Variants in PCDH1 observed in about 807,000 individuals in gnomAD.
PCDH1 encodes protocadherin 1.
Under a neutral mutation model 74.6 loss-of-function variants are expected in PCDH1, and 23 were observed. That is an observed-to-expected ratio of 0.31 (90% CI 0.22 to 0.44). The LOEUF is 0.44. Among genes scored for constraint, PCDH1 ranks in the 20% least tolerant of loss-of-function variants. The pLI is 1.00. For missense variants in PCDH1, 1,214 were observed against 1,641.4 expected (o/e 0.74, Z 4.50); for synonymous variants, 647 against 686.1 (o/e 0.94, Z 0.89).
chr5:141,862,729 G>A (rs1474414686), intron 3 of PCDH1: 1 of 997,924 alleles, frequency 1.0e-6, no homozygotes, highest in African/African-American at 1.7e-5. Flanking sequence ...TGAGGAAGAG[G>A]TTAATGCACA....
rs1360809107 is a variant in PCDH1, at chr5:141,868,774, A to G, written c.698T>C (p.Ile233Thr). The G allele has an allele frequency of 6.2e-6, 10 of 1,614,164 alleles. No homozygotes were observed. The highest frequency in any genetic ancestry group is 6.8e-6 in the Non-Finnish European group (8 of 1,180,030). The change falls in exon 2 of 5, where the codon ATT becomes ACT. Residue 233 changes from isoleucine to threonine, a missense_variant. Coordinates refer to ENST00000287008, the MANE Select transcript of PCDH1 (RefSeq NM_032420.5). This position sits in a 1 kb window ranked among gnomAD's most constrained non-coding sequence, Gnocchi z 4.8. ...EDQEEKQPQL[I>T]VMGNLDRERW... The stretch of plus-strand genomic sequence containing the variant: ...CTCACGGTCCAGGTTGCCCATCACA[A>G]TGAGCTGTGGTTGCTTCTCCTCCTG...
intron 3 of PCDH1, among the ~76,000 whole-genome samples, chr5:141,859,518 A>G (rs1752486623): frequency 6.6e-6 from 1 of 152,104 alleles, no homozygotes; most frequent in South Asian, 2.1e-4. Flanking sequence ...GGCCCTTAAG[A>G]TTCAACATGT....
chr5:141,864,585 C>T lies in PCDH1; in HGVS notation c.1746G>A (p.Val582=). The change falls in exon 3 of 5, where the codon GTG becomes GTA. Residue 582 remains valine (V), a synonymous_variant. Coordinates refer to ENST00000287008, the MANE Select transcript of PCDH1 (RefSeq NM_032420.5). The surrounding 1 kb of genome is among the most constrained non-coding windows in gnomAD (Gnocchi z 5.9). Reference sequence around the variant, plus strand: ...TAGGACTGCCCCGGTCAGCTGCCACCACCTTCAACTCATAGCTCTCCCGCT... The same window carrying T: ...TAGGACTGCCCCGGTCAGCTGCCACTACCTTCAACTCATAGCTCTCCCGCT... ...REQRESYELK[V]VAADRGSPSL... is the part of the protein sequence containing the mutation. 6.2e-7 allele frequency: 1 copy of T among 1,613,852 alleles called. No homozygotes were observed. The highest frequency in any genetic ancestry group is 1.7e-5 in the Admixed American group (1 of 60,024).
chr5:141,868,426 C>T lies in PCDH1; in HGVS notation c.903+143G>A. The T allele has an allele frequency of 7.1e-7, 1 of 1,413,608 alleles. No individual in the cohort carries two copies. Among genetic ancestry groups the T allele is most frequent in the Non-Finnish European group, 9.2e-7 (1 of 1,087,294 alleles). The allele number at this position is 1,413,608 out of a possible 1,614,324, so 87.6% of individuals were successfully genotyped here. ...GCTGGGGTGGGGTGGGAAAGACTCC[C>T]CTGGCTGAGTTTGGGGAGAAGGGGT... is the stretch of plus-strand genomic sequence containing the variant. On this transcript the variant is annotated intron_variant, in intron 2 of 4. Coordinates refer to ENST00000287008, the MANE Select transcript of PCDH1 (RefSeq NM_032420.5). The surrounding 1 kb of genome is among the most constrained non-coding windows in gnomAD (Gnocchi z 4.8).
intron 3 of PCDH1, among the ~76,000 whole-genome samples, chr5:141,862,015 C>A (rs1437519727): frequency 6.6e-6 from 1 of 151,602 alleles, no homozygotes; most frequent in Non-Finnish European, 1.5e-5. Flanking sequence ...CAGGTCAATG[C>A]AAAGAACTTA....
At chr5:141,871,086 T>G (rs1446066253) in intron 1 of PCDH1, among the ~76,000 whole-genome samples, 2 of 152,200 alleles carry the variant, frequency 1.3e-5, no homozygotes, top group Non-Finnish European at 2.9e-5. Flanking sequence ...CCGCCTGTGT[T>G]GTTCAGCTTC....
At chr5:141,862,908 T>TA in intron 3 of PCDH1, 1 of 1,218,186 alleles carries the variant, frequency 8.2e-7, no homozygotes. Flanking sequence ...CCTCCCCACT[T>TA]ACGCTCACCT....
At position 141,868,697 on chromosome 5, in the gene PCDH1, G is replaced by A. The variant is rs774661465; in HGVS notation, c.775C>T (p.Pro259Ser). The change falls in exon 2 of 5, where the codon CCA (proline) becomes TCA (serine). Residue 259 changes from proline (P) to serine (S), a missense_variant. Physicochemically the swap from Pro to Ser is moderately conservative, Grantham distance 74 (BLOSUM62 -1). This residue lies in a region of PCDH1 where 836 missense variants were observed against 1,182.2 expected (regional missense o/e 0.71). Coordinates refer to ENST00000287008, the MANE Select transcript of PCDH1 (RefSeq NM_032420.5). This position sits in a 1 kb window ranked among gnomAD's most constrained non-coding sequence, Gnocchi z 4.8. ...TIKVQDGGSPPRASSALLRVT... is the reference protein window; with the variant it reads ...TIKVQDGGSPSRASSALLRVT... ...CGCAGCAGGGCACTGCTGGCGCGTG[G>A]GGGGCTGCCGCCATCCTGCACCTTG... 3.1e-6 allele frequency: 5 copies of A among 1,613,764 alleles called. No homozygotes were observed. The highest frequency in any genetic ancestry group is 1.1e-5 in the South Asian group (1 of 91,066).
chr5:141,878,330 C>G lies in PCDH1; in HGVS notation c.-68G>C, dbSNP rs1403270696. 18 of 1,092,300 alleles carry G rather than the reference C, an allele frequency of 1.6e-5. No homozygotes were observed. Among genetic ancestry groups the G allele is most frequent in the Non-Finnish European group, 2.1e-5 (18 of 874,968 alleles). The allele number at this position is 1,092,300 out of a possible 1,614,324, so 67.7% of individuals were successfully genotyped here. ...TGGGGCTGGAGCTGCAGTTCGGGCTCCGGCTCCGGCTCCGGCTGGCTCTGG... is the reference window on the plus strand; with the variant it reads ...TGGGGCTGGAGCTGCAGTTCGGGCTGCGGCTCCGGCTCCGGCTGGCTCTGG... On this transcript the variant is annotated 5_prime_UTR_variant, in exon 1 of 5. Transcript: ENST00000287008. This position sits in a 1 kb window ranked among gnomAD's most constrained non-coding sequence, Gnocchi z 5.5.
chr5:141,876,115 G>A (rs1457386702), intron 1 of PCDH1, among the ~76,000 whole-genome samples: 2 of 151,906 alleles, frequency 1.3e-5, no homozygotes, highest in East Asian at 1.9e-4. Context: ...AGGACGCCGA[G>A]TGTGTGTGTG....
intron 1 of PCDH1, among the ~76,000 whole-genome samples, chr5:141,870,052 G>A (rs1266914198): frequency 6.6e-6 from 1 of 152,202 alleles, no homozygotes; most frequent in Admixed American, 6.5e-5. Flanking sequence ...GAGATGCCAA[G>A]TCAGTGCATA....
chr5:141,871,475 G>T (rs1383116232), intron 1 of PCDH1, among the ~76,000 whole-genome samples: 1 of 152,230 alleles, frequency 6.6e-6, no homozygotes, highest in Admixed American at 6.5e-5. Context: ...AAACCCAGCT[G>T]CTCACTTCCT....
intron 4 of PCDH1, among the ~76,000 whole-genome samples, chr5:141,855,954 A>AC (rs34330177): frequency 0.22 from 31,967 of 148,222 alleles, 3,379 homozygotes; most frequent in Middle Eastern, 0.24. Context: ...CCAGGCAGTG[A>AC]CCCCCCCCCA....
chr5:141,865,452 G>A lies in PCDH1; in HGVS notation c.904-25C>T. ...CCTATAGGGCAGGAGAGAAAAACAA[G>A]GAGAACAGAGATGGTTTAGATCAGG... On this transcript the variant is annotated intron_variant, in intron 2 of 4. Coordinates refer to ENST00000287008, the MANE Select transcript of PCDH1 (RefSeq NM_032420.5). This position sits in a 1 kb window ranked among gnomAD's most constrained non-coding sequence, Gnocchi z 4.4. 1 of 1,600,520 alleles carries A rather than the reference G, an allele frequency of 6.2e-7. No individual in the cohort carries two copies. Among genetic ancestry groups the A allele is most frequent in the South Asian group, 1.1e-5 (1 of 90,320 alleles).
chr5:141,869,167 T>A lies in PCDH1; in HGVS notation c.305A>T (p.Asp102Val), dbSNP rs747093176. Reference protein sequence around the residue: ...LEVGAPYLRVDGKTGDIFTTE... With the variant: ...LEVGAPYLRVVGKTGDIFTTE... ...GGTGAAAATGTCACCTGTCTTGCCA[T>A]CCACGCGAAGGTACGGGGCACCCAC... The change falls in exon 2 of 5, where the codon GAT becomes GTT. Residue 102 changes from aspartate (D) to valine (V), a missense_variant. Asp to Val is a radical substitution (Grantham distance 152). This residue lies in a region of PCDH1 where 97 missense variants were observed against 173.2 expected (regional missense o/e 0.56). Coordinates refer to ENST00000287008, the MANE Select transcript of PCDH1 (RefSeq NM_032420.5). The surrounding 1 kb of genome is among the most constrained non-coding windows in gnomAD (Gnocchi z 4.9). 1.2e-6 allele frequency: 2 copies of A among 1,613,862 alleles called. No homozygotes were observed. Among genetic ancestry groups the A allele is most frequent in the East Asian group, 4.5e-5 (2 of 44,834 alleles).
intron 3 of PCDH1, chr5:141,862,802 A>G: frequency 9.6e-7 from 1 of 1,044,638 alleles, no homozygotes; most frequent in Non-Finnish European, 1.2e-6. Context: ...TCAGTTATCC[A>G]CAGGACCCCA....
Position 141,869,674 on chromosome 5 carries a change from G to A in PCDH1, c.41-243C>T, listed in dbSNP as rs1753038926. ...CAGTAAGAGGCCTGGCATGCCTAGA[G>A]CAGCTCCCGCCCATGGAACACCCTC... On this transcript the variant is annotated intron_variant, in intron 1 of 4. Transcript: ENST00000287008. The surrounding 1 kb of genome is among the most constrained non-coding windows in gnomAD (Gnocchi z 4.9). The A allele has an allele frequency of 4.6e-6, 7 of 1,526,276 alleles. No homozygotes were observed. Among genetic ancestry groups the A allele is most frequent in the Non-Finnish European group, 6.1e-6 (7 of 1,141,410 alleles). The allele number at this position is 1,526,276 out of a possible 1,614,324, so 94.5% of individuals were successfully genotyped here.
In PCDH1 at chr5:141,853,970, G is replaced by T; in HGVS notation, c.*72C>A. 7.5e-7 allele frequency: 1 copy of T among 1,331,704 alleles called. No homozygotes were observed. The allele number at this position is 1,331,704 out of a possible 1,614,324, so 82.5% of individuals were successfully genotyped here. A position where few individuals can be genotyped will look rare whatever the true frequency, so the allele number is the denominator to read the frequency against. The stretch of plus-strand genomic sequence containing the variant: ...AGTCCACGCTGAAGGGGTGGAGAGT[G>T]AGGCCCTGGAATGGGCCATTTGGGA... On this transcript the variant is annotated 3_prime_UTR_variant, in exon 5 of 5. Transcript: ENST00000287008.
rs1192927480 is a variant in PCDH1 at position 141,863,640 on chromosome 5, A to G, written c.2691T>C (p.Tyr897=). ...AGGCCTTGCCACTGGGCTTGGGGGCATACAGGTCCTTGGTCTCCTTCTTAC... is the reference window on the plus strand; with the variant it reads ...AGGCCTTGCCACTGGGCTTGGGGGCGTACAGGTCCTTGGTCTCCTTCTTAC... The part of the protein sequence containing the change: ...QAGKKETKDL[Y]APKPSGKASK... The change falls in exon 3 of 5, where the codon TAT becomes TAC. Residue 897 remains tyrosine, a synonymous_variant. Coordinates refer to ENST00000287008, the MANE Select transcript of PCDH1 (RefSeq NM_032420.5). This position sits in a 1 kb window ranked among gnomAD's most constrained non-coding sequence, Gnocchi z 7.5. 4.3e-6 allele frequency: 7 copies of G among 1,614,030 alleles called. No homozygotes were observed. The highest frequency in any genetic ancestry group is 3.3e-5 in the Admixed American group (2 of 60,012).
Sources: allele counts gnomAD v4.1 joint callset (sites outside exome capture counted in the v4.1 genomes callset), GRCh38; gene constraint gnomAD v4.1.1; regional missense constraint gnomAD v4.1.1; non-coding constraint Gnocchi (gnomAD v3.1); transcripts MANE v1.5; gene names NCBI Gene and HGNC (gene_info 2026-07-23, HGNC 2026-07-21).